CAMK1D: variants seen among roughly 807,000 people sequenced by gnomAD.
CAMK1D encodes calcium/calmodulin-dependent protein kinase type 1D.
In CAMK1D, 9 loss-of-function variants were observed where a neutral mutation model predicts 47.7. The observed-to-expected ratio is 0.19, with a 90% CI of 0.11 to 0.33. The LOEUF (loss-of-function observed/expected upper bound fraction) is 0.33, where lower values mean the gene tolerates loss of function less well. Ranked by LOEUF, CAMK1D falls within the 10% of genes least tolerant of loss-of-function variation. The pLI, the probability that CAMK1D is intolerant of heterozygous loss-of-function variation, is 1.00. For missense variants in CAMK1D, 291 were observed against 488.7 expected (o/e 0.60, Z 3.81); for synonymous variants, 184 against 184.9 (o/e 0.99, Z 0.04).
chr10:12,650,984 G>A (rs948513441), intron 2 of CAMK1D, among the ~76,000 whole-genome samples: 1 of 152,200 alleles, frequency 6.6e-6, no homozygotes, highest in Non-Finnish European at 1.5e-5. Context: ...AGGCTCCCTG[G>A]ATTAAGCTTC....
chr10:12,814,674 T>C, intron 7 of CAMK1D, among the ~76,000 whole-genome samples: 1 of 152,166 alleles, frequency 6.6e-6, no homozygotes, highest in East Asian at 1.9e-4. Context: ...ATCTCATTCA[T>C]GAGGGCTGCA....
chr10:12,422,162 C>T (rs988810101), intron 1 of CAMK1D, among the ~76,000 whole-genome samples: 1 of 152,056 alleles, frequency 6.6e-6, no homozygotes, highest in Non-Finnish European at 1.5e-5. Flanking sequence ...TTATTCTATT[C>T]CCTTGGGGGC....
intron 2 of CAMK1D, among the ~76,000 whole-genome samples, chr10:12,659,318 C>G (rs570216511): frequency 1.5e-4 from 23 of 152,164 alleles, no homozygotes; most frequent in Non-Finnish European, 3.4e-4. Flanking sequence ...AGAGATCACT[C>G]AGGAGACAGC....
intron 1 of CAMK1D, among the ~76,000 whole-genome samples, chr10:12,477,213 C>T (rs913052371): frequency 2.6e-5 from 4 of 152,076 alleles, no homozygotes; most frequent in Non-Finnish European, 4.4e-5. Flanking sequence ...GTCAGGAGTT[C>T]GAGTCCAGCC....
At chr10:12,442,281 A>G (rs951468351) in intron 1 of CAMK1D, among the ~76,000 whole-genome samples, 2 of 152,196 alleles carry the variant, frequency 1.3e-5, no homozygotes, top group Admixed American at 6.5e-5. Flanking sequence ...GGAGATGGAG[A>G]CCATCCTGGC....
chr10:12,753,845 C>G (rs1322304943), intron 3 of CAMK1D, among the ~76,000 whole-genome samples: 1 of 152,214 alleles, frequency 6.6e-6, no homozygotes, highest in Non-Finnish European at 1.5e-5. Context: ...TGGCTGCCCA[C>G]TGGGCTTCTC....
intron 1 of CAMK1D, among the ~76,000 whole-genome samples, chr10:12,549,755 A>G (rs35124590): frequency 0.09 from 13,709 of 152,200 alleles, 902 homozygotes; most frequent in Admixed American, 0.2. Flanking sequence ...CACATAGCCC[A>G]TCCCCACCTA....
chr10:12,807,688 C>A (rs949256053), intron 6 of CAMK1D, among the ~76,000 whole-genome samples: 1 of 152,206 alleles, frequency 6.6e-6, no homozygotes, highest in Non-Finnish European at 1.5e-5. Context: ...CAGTGGGCAT[C>A]ATCTGTAGTC....
intron 1 of CAMK1D, among the ~76,000 whole-genome samples, chr10:12,494,761 G>T (rs746991264): frequency 6.6e-6 from 1 of 152,034 alleles, no homozygotes; most frequent in Non-Finnish European, 1.5e-5. Context: ...TAGAGATGGG[G>T]TTTTTCCATG....
At chr10:12,389,957 C>A (rs1838664509) in intron 1 of CAMK1D, among the ~76,000 whole-genome samples, 1 of 151,822 alleles carries the variant, frequency 6.6e-6, no homozygotes, top group African/African-American at 2.4e-5. Flanking sequence ...TCCTGTGGGT[C>A]ATCTTTGTGC....
intron 6 of CAMK1D, among the ~76,000 whole-genome samples, chr10:12,799,092 A>C (rs114452281): frequency 4.7e-4 from 71 of 152,336 alleles, no homozygotes; most frequent in African/African-American, 1.7e-3. Context: ...GTACACCAGC[A>C]AGTCAGGGAA....
At chr10:12,739,552 A>T (rs1835339999) in intron 3 of CAMK1D, among the ~76,000 whole-genome samples, 1 of 151,218 alleles carries the variant, frequency 6.6e-6, no homozygotes, top group Non-Finnish European at 1.5e-5. Context: ...GCCTCCCAAA[A>T]TGCTGGGATT....
chr10:12,702,068 G>A (rs2399863), intron 3 of CAMK1D, among the ~76,000 whole-genome samples: 143,613 of 152,294 alleles, frequency 0.94, 68,277 homozygotes, highest in East Asian at 1. Flanking sequence ...GTGGCTCCCC[G>A]TTGGACGCAC....
chr10:12,816,831 C>A (rs1355159236), intron 8 of CAMK1D, among the ~76,000 whole-genome samples: 1 of 143,298 alleles, frequency 7.0e-6, no homozygotes, highest in Admixed American at 7.2e-5. Context: ...GAGATCGCAC[C>A]ATTGCACTCC....
chr10:12,799,202 G>A lies in CAMK1D; in HGVS notation c.641+7969G>A, dbSNP rs147443424. Among the ~76,000 whole-genome samples the A allele has an allele frequency of 1.9e-3, 285 of 152,322 alleles. 1 individual carries two copies. Among genetic ancestry groups the A allele is most frequent in the African/African-American group, 6.5e-3 (271 of 41,570 alleles). ...ATGTGGTGCACGGTGCCACCTTCCCGCTTTTGGTCTCCTTGCCGTCCACGT... is the reference window on the plus strand; with the variant it reads ...ATGTGGTGCACGGTGCCACCTTCCCACTTTTGGTCTCCTTGCCGTCCACGT... On this transcript the variant is annotated intron_variant, in intron 6 of 10. Transcript: ENST00000619168.
At chr10:12,717,819 A>G (rs1834209832) in intron 3 of CAMK1D, among the ~76,000 whole-genome samples, 1 of 149,440 alleles carries the variant, frequency 6.7e-6, no homozygotes, top group Admixed American at 6.7e-5. Flanking sequence ...GCTTGAGCCC[A>G]GGAGTTTGAG....
intron 1 of CAMK1D, among the ~76,000 whole-genome samples, chr10:12,543,519 C>A (rs1836266331): frequency 6.6e-6 from 1 of 152,132 alleles, no homozygotes; most frequent in Non-Finnish European, 1.5e-5. Flanking sequence ...GCTCTGAGTT[C>A]TGGGCCCAGC....
At chr10:12,627,232 C>T (rs1239657651) in intron 2 of CAMK1D, among the ~76,000 whole-genome samples, 2 of 151,888 alleles carry the variant, frequency 1.3e-5, no homozygotes, top group Non-Finnish European at 2.9e-5. Flanking sequence ...CAGGTGCCTG[C>T]CACCACGCCC....
At chr10:12,374,811 T>C (rs2724775) in intron 1 of CAMK1D, among the ~76,000 whole-genome samples, 28,420 of 151,614 alleles carry the variant, frequency 0.19, 2,818 homozygotes, top group East Asian at 0.31. Context: ...GGTGTGGTGG[T>C]GGGCGCTTGT....
Sources: allele counts gnomAD v4.1 joint callset (sites outside exome capture counted in the v4.1 genomes callset), GRCh38; gene constraint gnomAD v4.1.1; transcripts MANE v1.5; gene names NCBI Gene and HGNC (gene_info 2026-07-23, HGNC 2026-07-21).